The following TAF4 variants were observed in gnomAD, a reference collection of about 807,000 sequenced individuals.
TAF4 encodes the protein TATA-box binding protein associated factor 4.
Under a neutral mutation model 90.3 loss-of-function variants are expected in TAF4, and 9 were observed. The ratio of observed to expected loss-of-function variants is 0.10; its 90% CI spans 0.06 to 0.17. The LOEUF is 0.17. Ranked by LOEUF, TAF4 falls within the 10% of genes least tolerant of loss-of-function variation. The pLI is 1.00. For synonymous variants in TAF4, 818 were observed against 638.9 expected (o/e 1.28, Z -4.23); for missense variants, 1,351 against 1,370.7 (o/e 0.99, Z 0.23).
At chr20:62,023,638 C>T (rs1314047118) in intron 1 of TAF4, among the ~76,000 whole-genome samples, 1 of 150,006 alleles carries the variant, frequency 6.7e-6, no homozygotes, top group Non-Finnish European at 1.5e-5. Flanking sequence ...ATCCCAGCTA[C>T]TCGCCAGGCT....
intron 1 of TAF4, among the ~76,000 whole-genome samples, chr20:62,055,459 A>G (rs1293537256): frequency 6.6e-6 from 1 of 151,976 alleles, no homozygotes; most frequent in East Asian, 1.9e-4. Flanking sequence ...AATACAATCA[A>G]CTCACACTGC....
At position 62,003,802 on chromosome 20, in the gene TAF4, G is replaced by A; in HGVS notation, c.2300C>T (p.Ala767Val). 3 of 1,608,892 alleles carry A rather than the reference G, an allele frequency of 1.9e-6. No homozygotes were observed. The highest frequency in any genetic ancestry group is 2.2e-5 in the East Asian group (1 of 44,784). The change falls in exon 8 of 15, where the codon GCC becomes GTC. Residue 767 changes from alanine to valine, a missense_variant. Coordinates refer to ENST00000252996, the MANE Select transcript of TAF4 (RefSeq NM_003185.4). ...QVTLTQTPMVALRQPHNRIML... is the reference protein window; with the variant it reads ...QVTLTQTPMVVLRQPHNRIML... ...GATCCGGTTGTGAGGCTGCCGCAGG[G>A]CGACCATGGGTGTCTGCGTCAACGT...
rs199607986 is a variant in TAF4, at chr20:62,006,549, C to G, written c.2184G>C (p.Thr728=). The stretch of plus-strand genomic sequence containing the variant: ...GCCCCTGCTTGCCGACGCCGACCTG[C>G]GTGGGCTGCGTGAGGCTGAGCACAG... ...QPPVLSLTQP[T]QVGVGKQGQP... is the part of the protein sequence containing the mutation. Residue 728 remains threonine (T), a synonymous_variant, in exon 7 of 15, where the codon ACG becomes ACC. Coordinates refer to ENST00000252996, the MANE Select transcript of TAF4 (RefSeq NM_003185.4). The surrounding 1 kb of genome is among the most constrained non-coding windows in gnomAD (Gnocchi z 7.0). 6.4e-7 allele frequency: 1 copy of G among 1,568,600 alleles called. No homozygotes were observed. The highest frequency in any genetic ancestry group is 8.6e-7 in the Non-Finnish European group (1 of 1,160,006).
chr20:62,027,368 C>T (rs1338996901), intron 1 of TAF4, among the ~76,000 whole-genome samples: 1 of 152,212 alleles, frequency 6.6e-6, no homozygotes, highest in Non-Finnish European at 1.5e-5. Flanking sequence ...GTCCCTCCTC[C>T]CCCTTGGCAT....
intron 1 of TAF4, among the ~76,000 whole-genome samples, chr20:62,036,894 C>T (rs1022014707): frequency 6.6e-6 from 1 of 152,200 alleles, no homozygotes; most frequent in African/African-American, 2.4e-5. Flanking sequence ...ACCGGATTAG[C>T]GCCCTTATGA....
intron 14 of TAF4, among the ~76,000 whole-genome samples, chr20:61,996,480 T>C (rs2055663470): frequency 6.6e-6 from 1 of 152,100 alleles, no homozygotes; most frequent in South Asian, 2.1e-4. Flanking sequence ...GCCCAGAATT[T>C]TGTAACCAGT....
chr20:61,992,195 A>G (rs1054336363), intron 14 of TAF4, among the ~76,000 whole-genome samples: 1 of 152,232 alleles, frequency 6.6e-6, no homozygotes, highest in African/African-American at 2.4e-5. Context: ...TATGGCACTA[A>G]AACTCAAAGA....
intron 1 of TAF4, among the ~76,000 whole-genome samples, chr20:62,027,434 T>C (rs2055881160): frequency 6.6e-6 from 1 of 152,122 alleles, no homozygotes; most frequent in South Asian, 2.1e-4. Flanking sequence ...CTAACGTCTG[T>C]CTCCCCCCTC....
At chr20:62,013,908 T>G (rs6142921) in intron 2 of TAF4, among the ~76,000 whole-genome samples, 765 of 42,982 alleles carry the variant, frequency 0.018, 5 homozygotes, top group East Asian at 0.058. Flanking sequence ...CTGACGCGGG[T>G]GTGTGTGTGT....
intron 14 of TAF4, among the ~76,000 whole-genome samples, chr20:61,994,748 C>A (rs1170643644): frequency 3.3e-5 from 5 of 152,182 alleles, no homozygotes; most frequent in African/African-American, 1.2e-4. Context: ...CCAGAGTGCA[C>A]CTGCATACCA....
chr20:62,048,972 G>A (rs560460414), intron 1 of TAF4, among the ~76,000 whole-genome samples: 9 of 103,658 alleles, frequency 8.7e-5, no homozygotes, highest in East Asian at 2.8e-4. Flanking sequence ...CTCGGTCACC[G>A]GGCTCCATCC....
At position 62,010,294 on chromosome 20, in the gene TAF4, A is replaced by T. The variant is rs1600842079; in HGVS notation, c.1642-129T>A. On this transcript the variant is annotated intron_variant, in intron 3 of 14. Transcript: ENST00000252996. This position sits in a 1 kb window ranked among gnomAD's most constrained non-coding sequence, Gnocchi z 4.5. Reference sequence around the variant, plus strand: ...GGCCAGGACGCCCAGGAAGCCAAGGACCCCGGCCACCTGCCAGCCCGCTGG... The same window carrying T: ...GGCCAGGACGCCCAGGAAGCCAAGGTCCCCGGCCACCTGCCAGCCCGCTGG... The T allele has an allele frequency of 3.7e-6, 5 of 1,364,722 alleles. No individual in the cohort carries two copies. Among genetic ancestry groups the T allele is most frequent in the African/African-American group, 1.4e-5 (1 of 69,066 alleles). The allele number at this position is 1,364,722 out of a possible 1,614,324, so 84.5% of individuals were successfully genotyped here.
At chr20:62,007,446 CCCTCCGTGCCTGGAGCAT>C (rs1453551780) in intron 6 of TAF4, 83 bp downstream of exon 6, 4 of 1,122,824 alleles carry the variant, frequency 3.6e-6, no homozygotes, top group Non-Finnish European at 5.3e-6. Flanking sequence ...GCGCTGTGCA[CCCTCCGTGCCTGGAGCAT>C]CCTCGCCCTG....
At chr20:61,992,477 G>GC (rs1227402563) in intron 14 of TAF4, among the ~76,000 whole-genome samples, 5 of 138,872 alleles carry the variant, frequency 3.6e-5, no homozygotes. Context: ...CACCCCCCAA[G>GC]CCCTTGGGGC....
intron 9 of TAF4, 48 bp from the exon 10 acceptor site, chr20:62,000,769 G>A (rs759507314): frequency 1.3e-5 from 21 of 1,604,122 alleles, no homozygotes; most frequent in African/African-American, 6.7e-5. Context: ...GGAATTCATC[G>A]GGAGGTGGGC....
At chr20:62,042,443 AG>A (rs2055969008) in intron 1 of TAF4, among the ~76,000 whole-genome samples, 1 of 152,158 alleles carries the variant, frequency 6.6e-6, no homozygotes, top group African/African-American at 2.4e-5. Flanking sequence ...CCGAGAGGGC[AG>A]GGGGAAAAAG....
intron 1 of TAF4, among the ~76,000 whole-genome samples, chr20:62,034,042 C>CAAAAAAA (rs753709978): frequency 1.0e-5 from 1 of 99,270 alleles, no homozygotes; most frequent in East Asian, 2.8e-4. Flanking sequence ...ACTCTGTCTC[C>CAAAAAAA]AAAAAAAAAA....
chr20:62,037,050 A>T (rs568042628), intron 1 of TAF4, among the ~76,000 whole-genome samples: 1 of 152,314 alleles, frequency 6.6e-6, no homozygotes, highest in South Asian at 2.1e-4. Context: ...CGGTGTCTAG[A>T]AGCCTCCCAG....
intron 9 of TAF4, 95 bp downstream of exon 9, chr20:62,003,065 G>A: frequency 1.9e-6 from 2 of 1,057,418 alleles, no homozygotes; most frequent in South Asian, 3.0e-5. Context: ...AGGGCCACGT[G>A]GGAAAGACCC....
Sources: allele counts gnomAD v4.1 joint callset (sites outside exome capture counted in the v4.1 genomes callset), GRCh38; gene constraint gnomAD v4.1.1; non-coding constraint Gnocchi (gnomAD v3.1); transcripts MANE v1.5; gene names NCBI Gene and HGNC (gene_info 2026-07-23, HGNC 2026-07-21).